GPR160: variants seen among roughly 807,000 people sequenced by gnomAD.
The protein encoded by GPR160 is G protein-coupled receptor 160.
GPR160 carries 2 observed loss-of-function variants against 2.6 expected under a neutral mutation model. That is an observed-to-expected ratio of 0.77 (90% CI 0.32 to 2.44). GPR160 has a LOEUF of 2.44. Among genes scored for constraint, GPR160 ranks in the 30% most tolerant of loss-of-function variants. The pLI, the probability that GPR160 is intolerant of heterozygous loss-of-function variation, is 0.11. For missense variants in GPR160, 351 were observed against 383.6 expected (o/e 0.91, Z 0.71); for synonymous variants, 130 against 132.2 (o/e 0.98, Z 0.12).
intron 2 of GPR160, among the ~76,000 whole-genome samples, chr3:170,043,179 TTTTTG>T (rs924674986): frequency 6.6e-6 from 1 of 151,210 alleles, no homozygotes; most frequent in African/African-American, 2.4e-5. Context: ...ACATTTTTGT[TTTTTG>T]TTTTGTTTTG....
At chr3:170,039,426 T>C (rs1306856100) in intron 2 of GPR160, among the ~76,000 whole-genome samples, 1 of 152,106 alleles carries the variant, frequency 6.6e-6, no homozygotes, top group Non-Finnish European at 1.5e-5. Context: ...ATGGAGATGA[T>C]GCCCGAGTGC....
At chr3:170,083,170 AATGT>A (rs1239497376) in intron 3 of GPR160, among the ~76,000 whole-genome samples, 1 of 151,606 alleles carries the variant, frequency 6.6e-6, no homozygotes, top group African/African-American at 2.4e-5. Context: ...CTGCTTCCAA[AATGT>A]ATGTATCACT....
intron 2 of GPR160, among the ~76,000 whole-genome samples, chr3:170,064,561 C>G (rs1425349219): frequency 1.4e-5 from 2 of 144,080 alleles, no homozygotes; most frequent in East Asian, 4.1e-4. Context: ...CTCTGTCGCC[C>G]AGGCTGGAGT....
At chr3:170,065,236 TTTTCC>T (rs1712264232) in intron 2 of GPR160, among the ~76,000 whole-genome samples, 1 of 152,222 alleles carries the variant, frequency 6.6e-6, no homozygotes, top group Admixed American at 6.5e-5. Flanking sequence ...AACTTTTTTG[TTTTCC>T]TTTCAGTTAT....
At chr3:170,080,692 G>C (rs1228494204) in intron 3 of GPR160, among the ~76,000 whole-genome samples, 1 of 152,100 alleles carries the variant, frequency 6.6e-6, no homozygotes, top group Non-Finnish European at 1.5e-5. Flanking sequence ...AACATCCCTT[G>C]GATGTTGCCT....
chr3:170,058,089 A>C (rs1711732955), intron 2 of GPR160: 1 of 152,232 alleles, frequency 6.6e-6, no homozygotes, highest in Admixed American at 6.5e-5. Flanking sequence ...AAAAATTATG[A>C]AGTAGAAGCA....
chr3:170,084,910 A>G lies in GPR160; in HGVS notation c.938A>G (p.Asn313Ser), dbSNP rs1396086499. 2 of 1,608,024 alleles carry G rather than the reference A, an allele frequency of 1.2e-6. No individual in the cohort carries two copies. Among genetic ancestry groups the G allele is most frequent in the East Asian group, 2.2e-5 (1 of 44,766 alleles). The change falls in exon 4 of 4, where the codon AAC becomes AGC. Residue 313 changes from asparagine (N) to serine (S), a missense_variant. By Grantham distance (46) the Asn-to-Ser change is conservative. Transcript: ENST00000355897. Reference protein sequence around the residue: ...DIGLPLDPFVNWKCCFIPLTI... With the variant: ...DIGLPLDPFVSWKCCFIPLTI... ...GGATTACCTTTGGATCCATTTGTCA[A>G]CTGGAAGTGCTGCTTCATTCCACTT...
chr3:170,081,702 G>A (rs6793019), intron 3 of GPR160, among the ~76,000 whole-genome samples: 1 of 151,846 alleles, frequency 6.6e-6, no homozygotes, highest in Non-Finnish European at 1.5e-5. Context: ...AATAGTTATT[G>A]TTTCTGCTTC....
chr3:170,038,066 C>A lies in GPR160; in HGVS notation c.-471C>A. The A allele has an allele frequency of 6.5e-6, 1 of 152,922 alleles. No individual in the cohort carries two copies. The allele number at this position is 152,922 out of a possible 1,614,324, so 9.5% of individuals were successfully genotyped here. ...GGGTCCCGGGGCCGTGCTCCCCTGC[C>A]CCTCCCGGGAGCGCGCGGGGCGGGG... On this transcript the variant is annotated 5_prime_UTR_variant, in exon 1 of 4. Coordinates refer to ENST00000355897, the MANE Select transcript of GPR160 (RefSeq NM_014373.3). This position sits in a 1 kb window ranked among gnomAD's most constrained non-coding sequence, Gnocchi z 5.3.
At position 170,084,036 on chromosome 3, in the gene GPR160, C is replaced by A. The variant is rs200182513; in HGVS notation, c.64C>A (p.Leu22Ile). Reference sequence around the variant, plus strand: ...CCAGTTACGTCAAACAAACCAGCCCCTAGATGTTAACTATCTGCTATTCTT... The same window carrying A: ...CCAGTTACGTCAAACAAACCAGCCCATAGATGTTAACTATCTGCTATTCTT... ...QYQLRQTNQP[L>I]DVNYLLFLII... Residue 22 changes from leucine to isoleucine, a missense_variant, in exon 4 of 4, where the codon CTA (leucine) becomes ATA (isoleucine). Physicochemically the swap from Leu to Ile is conservative, Grantham distance 5. Transcript: ENST00000355897. 1,313 of 1,578,902 alleles carry A rather than the reference C, an allele frequency of 8.3e-4. 21 individuals carry two copies. In the South Asian group the frequency reaches 0.015, roughly 18 times the overall value.
chr3:170,040,117 A>G (rs1480963000), intron 2 of GPR160, among the ~76,000 whole-genome samples: 2 of 152,166 alleles, frequency 1.3e-5, no homozygotes, highest in Non-Finnish European at 2.9e-5. Context: ...GGTGCAGCAA[A>G]ACACCATGGC....
intron 2 of GPR160, among the ~76,000 whole-genome samples, chr3:170,073,576 AT>A (rs1712704888): frequency 6.6e-6 from 1 of 152,194 alleles, no homozygotes; most frequent in Non-Finnish European, 1.5e-5. Flanking sequence ...GGTGAATTAC[AT>A]TGATTGACTT....
chr3:170,051,054 G>A (rs1716935561), intron 2 of GPR160, among the ~76,000 whole-genome samples: 1 of 152,182 alleles, frequency 6.6e-6, no homozygotes, highest in East Asian at 1.9e-4. Context: ...TTTTCCAAAA[G>A]CGGCTGTGCA....
intron 2 of GPR160, among the ~76,000 whole-genome samples, chr3:170,072,500 A>C (rs1712649454): frequency 6.6e-6 from 1 of 152,186 alleles, no homozygotes; most frequent in Non-Finnish European, 1.5e-5. Context: ...TGGGTAATTT[A>C]TAAAGAAAAG....
chr3:170,076,533 AT>A (rs933067447), intron 2 of GPR160, among the ~76,000 whole-genome samples: 49 of 151,770 alleles, frequency 3.2e-4, no homozygotes, highest in Middle Eastern at 6.8e-3. Context: ...TCGCTTTTTT[AT>A]TTTTTTAATT....
chr3:170,079,072 G>A (rs867207141), intron 2 of GPR160, among the ~76,000 whole-genome samples: 2 of 152,206 alleles, frequency 1.3e-5, no homozygotes, highest in Non-Finnish European at 2.9e-5. Context: ...TCCCTGAAAG[G>A]GGGGACAGTA....
chr3:170,041,106 G>A (rs961146843), intron 2 of GPR160, among the ~76,000 whole-genome samples: 3 of 152,050 alleles, frequency 2.0e-5, no homozygotes, highest in African/African-American at 7.3e-5. Flanking sequence ...AGGGAGGAAG[G>A]GGAGGTATAT....
intron 2 of GPR160, among the ~76,000 whole-genome samples, chr3:170,068,447 A>G (rs996714165): frequency 2.0e-5 from 3 of 152,128 alleles, no homozygotes; most frequent in Non-Finnish European, 4.4e-5. Flanking sequence ...GAGCCACTGC[A>G]CTTGGCTCAT....
chr3:170,081,901 G>C (rs1041104700), intron 3 of GPR160, among the ~76,000 whole-genome samples: 9 of 152,156 alleles, frequency 5.9e-5, no homozygotes, highest in African/African-American at 2.2e-4. Flanking sequence ...TGAAAGACAT[G>C]ATCTCTTGTT....
Sources: allele counts gnomAD v4.1 joint callset (sites outside exome capture counted in the v4.1 genomes callset), GRCh38; gene constraint gnomAD v4.1.1; non-coding constraint Gnocchi (gnomAD v3.1); transcripts MANE v1.5; gene names NCBI Gene and HGNC (gene_info 2026-07-23, HGNC 2026-07-21).